H2AZ1: variants seen among roughly 807,000 people sequenced by gnomAD.
H2AZ1 encodes histone H2A.Z.
A neutral mutation model predicts 16.6 loss-of-function variants in H2AZ1; 3 were observed. The ratio of observed to expected loss-of-function variants is 0.18; its 90% CI spans 0.08 to 0.47. The LOEUF is 0.47. Ranked by LOEUF, H2AZ1 falls within the 20% of genes least tolerant of loss-of-function variation. The pLI, the probability that H2AZ1 is intolerant of heterozygous loss-of-function variation, is 0.98. For synonymous variants in H2AZ1, 78 were observed against 60.7 expected, an observed-to-expected ratio of 1.28 and a Z score of -1.32; for missense variants, 27 against 163.6, an observed-to-expected ratio of 0.17 and a Z score of 4.55.
intron 2 of H2AZ1, 128 bp from the exon 3 acceptor site, chr4:99,949,514 TC>T (rs751578214): frequency 2.2e-5 from 21 of 974,376 alleles, no homozygotes; most frequent in South Asian, 7.8e-5. Flanking sequence ...ACGTGATTCC[TC>T]CCCCCCATAT....
rs61203457 is a variant in H2AZ1, at chr4:99,949,025, T to C, written c.196-85A>G. On this transcript the variant is annotated intron_variant, in intron 3 of 4. Coordinates refer to ENST00000296417, the MANE Select transcript of H2AZ1 (RefSeq NM_002106.4). ...AGAATAAAACCCTCACAAACGCAGA[T>C]CTACCAACTGGAATCGTTCCTCACT... 198,483 of 838,506 alleles carry C rather than the reference T, an allele frequency of 0.24. 25,412 individuals are homozygous for C. Among genetic ancestry groups the C allele is most frequent in the African/African-American group, 0.4 (23,372 of 59,160 alleles). The allele number at this position is 838,506 out of a possible 1,614,324, so 51.9% of individuals were successfully genotyped here. A position where few individuals can be genotyped will look rare whatever the true frequency, so the allele number is the denominator to read the frequency against.
At chr4:99,948,659 T>A in intron 4 of H2AZ1, 136 bp from the exon 5 acceptor site, 1 of 1,473,184 alleles carries the variant, frequency 6.8e-7, no homozygotes, top group South Asian at 1.4e-5. Flanking sequence ...TAAAAATTCA[T>A]TGAGTTATAC....
Position 99,948,504 on chromosome 4 carries a change from G to A in H2AZ1, c.345C>T (p.His115=). ...IAGGGVIPHI[H]KSLIGKKGQQ... is the part of the protein sequence containing the mutation. Reference sequence around the variant, plus strand: ...GTCCTTTCTTCCCAATCAGAGATTTGTGGATGTGTGGAATGACACCTAGGA... The same window carrying A: ...GTCCTTTCTTCCCAATCAGAGATTTATGGATGTGTGGAATGACACCTAGGA... Residue 115 remains histidine, a synonymous_variant, in exon 5 of 5, where the codon CAC becomes CAT. Transcript: ENST00000296417. 1 of 1,608,718 alleles carries A rather than the reference G, an allele frequency of 6.2e-7. No individual in the cohort carries two copies. The highest frequency in any genetic ancestry group is 1.1e-5 in the South Asian group (1 of 90,990).
Position 99,949,027 on chromosome 4 carries a change from T to TACC in H2AZ1, c.196-90_196-88dup, listed in dbSNP as rs545426612. On this transcript the variant is annotated intron_variant, in intron 3 of 4. Coordinates refer to ENST00000296417, the MANE Select transcript of H2AZ1 (RefSeq NM_002106.4). The stretch of plus-strand genomic sequence containing the variant: ...AATAAAACCCTCACAAACGCAGATC[T>TACC]ACCAACTGGAATCGTTCCTCACTAT... 109 of 824,412 alleles carry TACC rather than the reference T, an allele frequency of 1.3e-4. No individual in the cohort carries two copies. In the African/African-American group the frequency reaches 1.7e-3, roughly 13 times the overall value. The allele number at this position is 824,412 out of a possible 1,614,324, so 51.1% of individuals were successfully genotyped here. A position where few individuals can be genotyped will look rare whatever the true frequency, so the allele number is the denominator to read the frequency against.
intron 1 of H2AZ1, 29 bp downstream of exon 1, chr4:99,950,139 G>A (rs766850582): frequency 2.5e-6 from 4 of 1,607,474 alleles, no homozygotes; most frequent in Non-Finnish European, 2.5e-6. Context: ...AAAACCCGCG[G>A]AGTCATCGAG....
rs1400831197 is a variant in H2AZ1 at position 99,949,270 on chromosome 4, T to C, written c.195+3A>G. 5 of 1,561,718 alleles carry C rather than the reference T, an allele frequency of 3.2e-6. No homozygotes were observed. The highest frequency in any genetic ancestry group is 3.5e-6 in the Non-Finnish European group (4 of 1,134,340). On this transcript the variant is annotated splice_donor_region_variant and intron_variant, in intron 3 of 4. Coordinates refer to ENST00000296417, the MANE Select transcript of H2AZ1 (RefSeq NM_002106.4). ...TCCGGATTATAGGCGTTCACCCATT[T>C]ACCTCTGCGGTGAGGTACTCCAGGA...
In H2AZ1 at chr4:99,949,348, C is replaced by T; in HGVS notation, c.120G>A (p.Arg40=). ...CGCCCACACGTCCATGACTGGTCGT[C>T]CTAGATTTTAGGTGTCGATGAATAC... The part of the protein sequence containing the change: ...VGRIHRHLKS[R]TTSHGRVGAT... Residue 40 remains arginine, a synonymous_variant, in exon 3 of 5, where the codon AGG becomes AGA. Coordinates refer to ENST00000296417, the MANE Select transcript of H2AZ1 (RefSeq NM_002106.4). 6.2e-7 allele frequency: 1 copy of T among 1,613,050 alleles called. No individual in the cohort carries two copies. The highest frequency in any genetic ancestry group is 8.5e-7 in the Non-Finnish European group (1 of 1,179,366).
chr4:99,948,600 C>A, intron 4 of H2AZ1, 77 bp from the exon 5 acceptor site: 1 of 1,574,226 alleles, frequency 6.4e-7, no homozygotes, highest in South Asian at 1.2e-5. Flanking sequence ...AAAGTGTATA[C>A]TGTTCAACTT....
intron 1 of H2AZ1, 32 bp downstream of exon 1, chr4:99,950,136 G>T: frequency 6.2e-7 from 1 of 1,606,310 alleles, no homozygotes; most frequent in Non-Finnish European, 8.5e-7. Context: ...GCAAAAACCC[G>T]CGGAGTCATC....
intron 3 of H2AZ1, 25 bp downstream of exon 3, chr4:99,949,247 CG>C: frequency 7.3e-7 from 1 of 1,365,248 alleles, no homozygotes; most frequent in Non-Finnish European, 1.0e-6. Flanking sequence ...AAACCTTCTC[CG>C]GATTATAGGC....
Position 99,950,066 on chromosome 4 carries a change from C to G in H2AZ1, c.3+102G>C, listed in dbSNP as rs927000052. ...CACTCTTCTAAATCCTGTCTCCGCGCGTTCCCAACCGTCGCCACTTCACCC... is the reference window on the plus strand; with the variant it reads ...CACTCTTCTAAATCCTGTCTCCGCGGGTTCCCAACCGTCGCCACTTCACCC... On this transcript the variant is annotated intron_variant, in intron 1 of 4. Coordinates refer to ENST00000296417, the MANE Select transcript of H2AZ1 (RefSeq NM_002106.4). 4 of 1,112,754 alleles carry G rather than the reference C, an allele frequency of 3.6e-6. No homozygotes were observed. In the Admixed American group the frequency reaches 5.8e-5, roughly 16 times the overall value. The allele number at this position is 1,112,754 out of a possible 1,614,324, so 68.9% of individuals were successfully genotyped here. A position where few individuals can be genotyped will look rare whatever the true frequency, so the allele number is the denominator to read the frequency against.
At chr4:99,949,879 G>T in intron 1 of H2AZ1, 139 bp from the exon 2 acceptor site, 1 of 279,966 alleles carries the variant, frequency 3.6e-6, no homozygotes, top group Non-Finnish European at 5.6e-6. Context: ...CCCGCGGCGC[G>T]CCGCAGGGGC....
chr4:99,949,077 C>A, intron 3 of H2AZ1, 137 bp from the exon 4 acceptor site: 4 of 706,744 alleles, frequency 5.7e-6, no homozygotes, highest in Non-Finnish European at 1.0e-5. Context: ...ATACAGGGGG[C>A]ACGCAATTTT....
In H2AZ1 at chr4:99,950,144, A is replaced by T. The variant is rs765588625; in HGVS notation, c.3+24T>A. ...CTCGCCGGCAAAAACCCGCGGAGTCATCGAGCGTCTCTGCGAAGTTTACCA... is the reference window on the plus strand; with the variant it reads ...CTCGCCGGCAAAAACCCGCGGAGTCTTCGAGCGTCTCTGCGAAGTTTACCA... On this transcript the variant is annotated intron_variant, in intron 1 of 4. Coordinates refer to ENST00000296417, the MANE Select transcript of H2AZ1 (RefSeq NM_002106.4). The T allele has an allele frequency of 1.5e-4, 234 of 1,608,102 alleles. 2 individuals are homozygous for T. The highest frequency in any genetic ancestry group is 3.3e-4 in the Middle Eastern group (2 of 6,054).
At position 99,948,164 on chromosome 4, in the gene H2AZ1, T is replaced by A; in HGVS notation, c.*298A>T. The A allele has an allele frequency of 1.9e-6, 1 of 540,326 alleles. No homozygotes were observed. The highest frequency in any genetic ancestry group is 3.4e-6 in the Non-Finnish European group (1 of 294,450). The allele number at this position is 540,326 out of a possible 1,614,324, so 33.5% of individuals were successfully genotyped here. On this transcript the variant is annotated 3_prime_UTR_variant, in exon 5 of 5. Coordinates refer to ENST00000296417, the MANE Select transcript of H2AZ1 (RefSeq NM_002106.4). The stretch of plus-strand genomic sequence containing the variant: ...GTACAAAACCAAATGTTTGTTACTA[T>A]AACTTCTGCATCACAATTAAAATCC...
At chr4:99,948,662 A>G in intron 4 of H2AZ1, 139 bp from the exon 5 acceptor site, 1 of 1,465,132 alleles carries the variant, frequency 6.8e-7, no homozygotes, top group Non-Finnish European at 9.1e-7. Flanking sequence ...AAATTCATTG[A>G]GTTATACATA....
In H2AZ1 at chr4:99,949,668, A is replaced by G. The variant is rs780348061; in HGVS notation, c.76T>C (p.Leu26=). The change falls in exon 2 of 5, where the codon TTG becomes CTG. Residue 26 remains leucine, a synonymous_variant. Transcript: ENST00000296417. ...KAVSRSQRAG[L]QFPVGRIHRH... The stretch of plus-strand genomic sequence containing the variant: ...CTGCACGAACAACTACTGACCTGCA[A>G]GCCGGCTCTCTGCGAGCGGGAAACC... The G allele has an allele frequency of 3.3e-5, 54 of 1,613,750 alleles. No homozygotes were observed. The highest frequency in any genetic ancestry group is 4.4e-5 in the Non-Finnish European group (52 of 1,179,742).
At chr4:99,949,437 G>A (rs377735103) in intron 2 of H2AZ1, 51 bp from the exon 3 acceptor site, 17 of 1,250,862 alleles carry the variant, frequency 1.4e-5, no homozygotes, top group South Asian at 2.4e-5. Flanking sequence ...GAGAACTAGA[G>A]ATGGGGAAAT....
chr4:99,948,717 A>T (rs1727199567), intron 4 of H2AZ1, 94 bp downstream of exon 4: 4 of 1,501,608 alleles, frequency 2.7e-6, no homozygotes, highest in Admixed American at 2.2e-5. Context: ...CATTGAAAAT[A>T]TACTTAAATT....
Sources: allele counts gnomAD v4.1 joint callset, GRCh38; gene constraint gnomAD v4.1.1; transcripts MANE v1.5; gene names NCBI Gene and HGNC (gene_info 2026-07-23, HGNC 2026-07-21).